The following FRYL variants were observed in gnomAD, a reference collection of about 807,000 sequenced individuals.
FRYL encodes FRY like transcription coactivator.
FRYL carries 150 observed loss-of-function variants against 351.2 expected under a neutral mutation model. The observed-to-expected ratio is 0.43, with a 90% CI of 0.37 to 0.49. The LOEUF (loss-of-function observed/expected upper bound fraction) is 0.49. Among genes scored for constraint, FRYL ranks in the 20% least tolerant of loss-of-function variants. The pLI is 0.00. For missense variants in FRYL, 3,036 were observed against 3,619.3 expected, an observed-to-expected ratio of 0.84 and a Z score of 4.13; for synonymous variants, 1,153 against 1,257.1, an observed-to-expected ratio of 0.92 and a Z score of 1.75.
chr4:48,756,283 T>C (rs1184507439), intron 1 of FRYL, among the ~76,000 whole-genome samples: 3 of 151,860 alleles, frequency 2.0e-5, no homozygotes, highest in African/African-American at 4.8e-5. Flanking sequence ...TACAATTTAA[T>C]TGGTAAACTT....
chr4:48,711,781 C>G (rs1276180937), intron 1 of FRYL, among the ~76,000 whole-genome samples: 1 of 152,202 alleles, frequency 6.6e-6, no homozygotes, highest in African/African-American at 2.4e-5. Context: ...GTCCCTGACC[C>G]CTGACCCCCC....
At chr4:48,583,138 C>T (rs973786214) in intron 19 of FRYL, among the ~76,000 whole-genome samples, 1 of 151,898 alleles carries the variant, frequency 6.6e-6, no homozygotes, top group Non-Finnish European at 1.5e-5. Context: ...GGCAAGGACA[C>T]GATTTATCTC....
intron 1 of FRYL, among the ~76,000 whole-genome samples, chr4:48,714,284 A>C (rs1168985022): frequency 6.7e-6 from 1 of 149,516 alleles, no homozygotes; most frequent in Non-Finnish European, 1.5e-5. Flanking sequence ...AGCAGAACTG[A>C]AGGAAATAGA....
At chr4:48,690,521 A>G (rs536971580) in intron 2 of FRYL, among the ~76,000 whole-genome samples, 180 of 152,308 alleles carry the variant, frequency 1.2e-3, no homozygotes, top group Non-Finnish European at 2.0e-3. Flanking sequence ...AGTTGCCTAC[A>G]AAGTCTCTGG....
intron 3 of FRYL, among the ~76,000 whole-genome samples, chr4:48,658,261 A>T (rs1374643209): frequency 6.6e-6 from 1 of 152,206 alleles, no homozygotes; most frequent in African/African-American, 2.4e-5. Context: ...TCATATTGAC[A>T]GTTTTAAATA....
rs1390823860 is a variant in FRYL, at chr4:48,576,306, T to G, written c.2529-84A>C. ...TTATTTTAACTAATGCTAAATTTCT[T>G]TTTTTTTTTTTTTGAGACAGAGTGT... On this transcript the variant is annotated intron_variant, in intron 23 of 63. Coordinates refer to ENST00000358350, the MANE Select transcript of FRYL (RefSeq NM_015030.2). The G allele has an allele frequency of 2.8e-5, 18 of 642,628 alleles. No homozygotes were observed. In the East Asian group the frequency reaches 9.0e-4, roughly 32 times the overall value. 39.8% of individuals were successfully genotyped at this position (642,628 alleles called of 1,614,324 possible).
chr4:48,711,297 T>G (rs550784833), intron 1 of FRYL, among the ~76,000 whole-genome samples: 2 of 152,244 alleles, frequency 1.3e-5, no homozygotes, highest in South Asian at 4.1e-4. Flanking sequence ...GGTCAGGGAG[T>G]TCCCTTTCCT....
chr4:48,561,647 G>A lies in FRYL; in HGVS notation c.3697-11C>T. ...CTTCGGTTCCAGAATCTATAGGAAT[G>A]TGATTCCATCAACTTAGGTTAAGAT... On this transcript the variant is annotated splice_polypyrimidine_tract_variant and intron_variant, in intron 32 of 63. Coordinates refer to ENST00000358350, the MANE Select transcript of FRYL (RefSeq NM_015030.2). 6.3e-7 allele frequency: 1 copy of A among 1,592,098 alleles called. No homozygotes were observed. The highest frequency in any genetic ancestry group is 1.2e-5 in the South Asian group (1 of 86,840).
intron 3 of FRYL, among the ~76,000 whole-genome samples, chr4:48,663,745 A>G (rs990701677): frequency 2.3e-4 from 30 of 127,796 alleles, no homozygotes; most frequent in Non-Finnish European, 4.5e-4. Flanking sequence ...ACTGCACTGC[A>G]GCCTGGGCGA....
intron 7 of FRYL, 165 bp downstream of exon 7, chr4:48,619,109 C>G (rs1308143326): frequency 1.4e-5 from 8 of 566,058 alleles, no homozygotes; most frequent in African/African-American, 1.1e-4. Flanking sequence ...CAGATAGGTA[C>G]AGGGCAGGAA....
Position 48,605,806 on chromosome 4 carries a change from T to G in FRYL, c.769A>C (p.Lys257Gln). Residue 257 changes from lysine to glutamine, a missense_variant, in exon 11 of 64, where the codon AAA becomes CAA. This residue lies in a region of FRYL where 457 missense variants were observed against 566.6 expected (regional missense o/e 0.81). Transcript: ENST00000358350. ...QECAQYFLEV[K>Q]DKDIKHALAG... ...AGTGCATGTTTTATATCTTTATCTTTCACTTCTAAGAAATACTGAGCACAT... is the reference window on the plus strand; with the variant it reads ...AGTGCATGTTTTATATCTTTATCTTGCACTTCTAAGAAATACTGAGCACAT... 6.2e-7 allele frequency: 1 copy of G among 1,604,712 alleles called. No individual in the cohort carries two copies. The highest frequency in any genetic ancestry group is 8.5e-7 in the Non-Finnish European group (1 of 1,172,150).
At chr4:48,601,292 T>C (rs1385248759) in intron 13 of FRYL, among the ~76,000 whole-genome samples, 1 of 152,210 alleles carries the variant, frequency 6.6e-6, no homozygotes, top group Non-Finnish European at 1.5e-5. Flanking sequence ...AATAGGCTCA[T>C]CTAAGTATAT....
rs776017436 is a variant in FRYL at position 48,756,821 on chromosome 4, G to A, written c.-384+23257C>T. On this transcript the variant is annotated intron_variant, in intron 1 of 63. Coordinates refer to ENST00000358350, the MANE Select transcript of FRYL (RefSeq NM_015030.2). ...AAAGTCCCCAGGTGTGGTGGCACAC[G>A]CCTGTAGTCCAAGCTACTTGGGAGG... Among the ~76,000 whole-genome samples, 5 of 152,238 alleles carry A rather than the reference G, an allele frequency of 3.3e-5. No individual in the cohort carries two copies. The East Asian group carries it at 5.8e-4, about 18-fold the overall frequency.
At chr4:48,699,382 G>A (rs1766509165) in intron 2 of FRYL, among the ~76,000 whole-genome samples, 1 of 152,096 alleles carries the variant, frequency 6.6e-6, no homozygotes, top group Admixed American at 6.6e-5. Context: ...AAAAATAGTG[G>A]GGGATGGGAA....
At chr4:48,750,004 T>C (rs1773078491) in intron 1 of FRYL, among the ~76,000 whole-genome samples, 1 of 151,920 alleles carries the variant, frequency 6.6e-6, no homozygotes, top group Admixed American at 6.6e-5. Flanking sequence ...CATGGTAGTA[T>C]GAACCTATAA....
At chr4:48,723,367 G>A (rs1178315767) in intron 1 of FRYL, among the ~76,000 whole-genome samples, 1 of 151,868 alleles carries the variant, frequency 6.6e-6, no homozygotes, top group Admixed American at 6.6e-5. Context: ...GGTCTCGAAT[G>A]CCTGGCCTCA....
intron 49 of FRYL, among the ~76,000 whole-genome samples, chr4:48,533,784 T>C (rs534821193): frequency 2.0e-5 from 3 of 152,264 alleles, no homozygotes; most frequent in East Asian, 3.9e-4. Flanking sequence ...TCAAGTTTAA[T>C]TTTCCACTTT....
rs1248146193 is a variant in FRYL, at chr4:48,780,152, T to G, written c.-458A>C. 6.5e-6 allele frequency: 1 copy of G among 154,572 alleles called. No homozygotes were observed. The highest frequency in any genetic ancestry group is 2.4e-5 in the African/African-American group (1 of 41,482). 9.6% of individuals were successfully genotyped at this position (154,572 alleles called of 1,614,324 possible). The stretch of plus-strand genomic sequence containing the variant: ...CCCGCCCTCGGGCCCCTGGCTCCGT[T>G]CTCTTGACAATGGCGCGTCCCCTTT... On this transcript the variant is annotated 5_prime_UTR_variant, in exon 1 of 64. Transcript: ENST00000358350.
intron 50 of FRYL, 62 bp from the exon 51 acceptor site, chr4:48,528,398 G>A: frequency 7.5e-7 from 1 of 1,327,474 alleles, no homozygotes; most frequent in Non-Finnish European, 1.0e-6. Flanking sequence ...AAACTTAAAA[G>A]GGTTAACAGT....
Sources: allele counts gnomAD v4.1 joint callset (sites outside exome capture counted in the v4.1 genomes callset), GRCh38; gene constraint gnomAD v4.1.1; regional missense constraint gnomAD v4.1.1; transcripts MANE v1.5; gene names NCBI Gene and HGNC (gene_info 2026-07-23, HGNC 2026-07-21).